SGCZ: variants seen among roughly 807,000 people sequenced by gnomAD.
The protein encoded by SGCZ is zeta-sarcoglycan.
In SGCZ, 40 loss-of-function variants were observed where a neutral mutation model predicts 41.3. The ratio of observed to expected loss-of-function variants is 0.97; its 90% CI spans 0.75 to 1.26. The LOEUF (loss-of-function observed/expected upper bound fraction) is 1.26, where lower values mean the gene tolerates loss of function less well. SGCZ is among the 50% of genes most tolerant of loss of function. SGCZ has a pLI of 0.00. For missense variants in SGCZ, 552 were observed against 369.8 expected, an observed-to-expected ratio of 1.49 and a Z score of -4.04; for synonymous variants, 206 against 137.5, an observed-to-expected ratio of 1.50 and a Z score of -3.49.
chr8:14,619,827 T>C (rs963347655), intron 1 of SGCZ, among the ~76,000 whole-genome samples: 2 of 152,118 alleles, frequency 1.3e-5, no homozygotes, highest in Non-Finnish European at 2.9e-5. Flanking sequence ...CATGCTCATG[T>C]ACAGGAAGAA....
In SGCZ at chr8:14,754,629, C is replaced by G. The variant is rs574301334; in HGVS notation, c.40-199703G>C. Among the ~76,000 whole-genome samples, 4 of 152,278 alleles carry G rather than the reference C, an allele frequency of 2.6e-5. No individual in the cohort carries two copies. The East Asian group carries it at 7.7e-4, about 29-fold the overall frequency. On this transcript the variant is annotated intron_variant, in intron 1 of 7. Coordinates refer to ENST00000382080, the MANE Select transcript of SGCZ (RefSeq NM_139167.4). ...GTAGAATAGCATTTGAACTACATTT[C>G]TATAATTGCAGAATAAATAATGGTT... is the stretch of plus-strand genomic sequence containing the variant.
chr8:14,801,194 G>C (rs527708595), intron 1 of SGCZ, among the ~76,000 whole-genome samples: 4 of 152,146 alleles, frequency 2.6e-5, no homozygotes, highest in Admixed American at 2.6e-4. Flanking sequence ...TGTTGTGTGT[G>C]TATGTGTACA....
At chr8:14,909,792 G>C (rs1018172455) in intron 1 of SGCZ, among the ~76,000 whole-genome samples, 4 of 152,058 alleles carry the variant, frequency 2.6e-5, no homozygotes, top group African/African-American at 9.7e-5. Context: ...ACTCTGGTTT[G>C]TCCATCTACT....
At chr8:14,338,325 G>C (rs1049821444) in intron 2 of SGCZ, among the ~76,000 whole-genome samples, 1 of 152,168 alleles carries the variant, frequency 6.6e-6, no homozygotes. Flanking sequence ...AGAAAACTTA[G>C]TTGGCATCCT....
At chr8:15,142,704 T>C (rs1394215943) in intron 1 of SGCZ, among the ~76,000 whole-genome samples, 1 of 123,738 alleles carries the variant, frequency 8.1e-6, no homozygotes, top group Non-Finnish European at 1.6e-5. Flanking sequence ...CTCCGCCTCC[T>C]GGGCTCAAGT....
intron 3 of SGCZ, among the ~76,000 whole-genome samples, chr8:14,266,970 G>A (rs920312705): frequency 6.6e-6 from 1 of 151,974 alleles, no homozygotes; most frequent in African/African-American, 2.4e-5. Context: ...GAAGGAACTA[G>A]GACAAAAGTG....
chr8:15,031,983 T>G (rs1001268198), intron 1 of SGCZ, among the ~76,000 whole-genome samples: 1 of 151,588 alleles, frequency 6.6e-6, no homozygotes, highest in South Asian at 2.1e-4. Context: ...GTTTCATTTT[T>G]GCATACACCA....
At chr8:14,779,980 G>A (rs1310224164) in intron 1 of SGCZ, among the ~76,000 whole-genome samples, 3 of 152,112 alleles carry the variant, frequency 2.0e-5, no homozygotes, top group African/African-American at 7.2e-5. Flanking sequence ...GACATATCAG[G>A]AGGAAATAAA....
intron 1 of SGCZ, among the ~76,000 whole-genome samples, chr8:15,085,367 G>T (rs1008953993): frequency 1.3e-5 from 2 of 152,168 alleles, no homozygotes; most frequent in African/African-American, 4.8e-5. Flanking sequence ...TGATCATGTA[G>T]AAGACTCTTA....
intron 3 of SGCZ, among the ~76,000 whole-genome samples, chr8:14,284,801 C>A (rs1172159324): frequency 6.6e-6 from 1 of 152,068 alleles, no homozygotes; most frequent in Non-Finnish European, 1.5e-5. Flanking sequence ...TTGTGTACAT[C>A]TTTACTATTT....
At chr8:14,757,184 G>T (rs193290247) in intron 1 of SGCZ, among the ~76,000 whole-genome samples, 3 of 152,228 alleles carry the variant, frequency 2.0e-5, no homozygotes, top group Non-Finnish European at 4.4e-5. Flanking sequence ...TAGTAGCTGG[G>T]ATTACAGGTG....
intron 1 of SGCZ, among the ~76,000 whole-genome samples, chr8:14,926,860 T>A (rs1799769847): frequency 6.6e-6 from 1 of 152,000 alleles, no homozygotes; most frequent in Non-Finnish European, 1.5e-5. Flanking sequence ...AGGAAGGTCG[T>A]GATCTCCTGA....
chr8:14,610,856 G>A (rs1334362306), intron 1 of SGCZ, among the ~76,000 whole-genome samples: 1 of 152,112 alleles, frequency 6.6e-6, no homozygotes, highest in Non-Finnish European at 1.5e-5. Context: ...AGAATGGAAT[G>A]GAAGATACGG....
chr8:14,717,071 T>A (rs1809713853), intron 1 of SGCZ, among the ~76,000 whole-genome samples: 1 of 152,100 alleles, frequency 6.6e-6, no homozygotes, highest in South Asian at 2.1e-4. Context: ...TCCTTTTTTA[T>A]GAATTTCATG....
At chr8:15,225,627 G>A (rs902782566) in intron 1 of SGCZ, among the ~76,000 whole-genome samples, 9 of 152,110 alleles carry the variant, frequency 5.9e-5, no homozygotes, top group Admixed American at 3.3e-4. Context: ...GGATTATAAC[G>A]TAAGCAATGG....
chr8:14,495,054 T>C (rs1801951730), intron 2 of SGCZ, among the ~76,000 whole-genome samples: 2 of 152,138 alleles, frequency 1.3e-5, no homozygotes, highest in Admixed American at 1.3e-4. Context: ...TGCTCCCCAG[T>C]TGATTCTTCA....
intron 3 of SGCZ, among the ~76,000 whole-genome samples, chr8:14,277,518 G>A (rs894240371): frequency 6.6e-6 from 1 of 152,200 alleles, no homozygotes; most frequent in Admixed American, 6.5e-5. Flanking sequence ...CTTGACTGAA[G>A]GGTAACCTTT....
chr8:14,413,542 A>G (rs148421723), intron 2 of SGCZ, among the ~76,000 whole-genome samples: 1 of 152,172 alleles, frequency 6.6e-6, no homozygotes, highest in African/African-American at 2.4e-5. Context: ...AGGATTACAT[A>G]TTAAAACTTG....
intron 1 of SGCZ, among the ~76,000 whole-genome samples, chr8:14,779,877 A>C (rs1300428122): frequency 1.3e-5 from 2 of 152,226 alleles, no homozygotes; most frequent in African/African-American, 4.8e-5. Flanking sequence ...AATTGTTTAA[A>C]GATTACATTT....
Sources: gnomAD v4.1 joint callset for allele counts (sites outside exome capture counted in the v4.1 genomes callset) on GRCh38, gnomAD v4.1.1 for gene constraint, MANE v1.5 for transcripts, NCBI Gene and HGNC (gene_info 2026-07-23, HGNC 2026-07-21) for gene names.